SMARCD1: variants seen among roughly 807,000 people sequenced by gnomAD.
The protein encoded by SMARCD1 is SWI/SNF-related matrix-associated actin-dependent regulator of chromatin subfamily D member 1.
Under a neutral mutation model 70.8 loss-of-function variants are expected in SMARCD1, and 16 were observed. That is an observed-to-expected ratio of 0.23 (90% confidence interval 0.15 to 0.34). SMARCD1 has a LOEUF of 0.34. Among genes scored for constraint, SMARCD1 ranks in the 10% least tolerant of loss-of-function variants. The pLI is 1.00. For missense variants in SMARCD1, 409 were observed against 655.5 expected (o/e 0.62, Z 4.11); for synonymous variants, 249 against 246.0 (o/e 1.01, Z -0.11).
At chr12:50,085,706 G>C in intron 1 of SMARCD1, 160 bp downstream of exon 1, 362 of 438,242 alleles carry the variant, frequency 8.3e-4, no homozygotes, top group Non-Finnish European at 1.2e-3. Flanking sequence ...AGAGGGGGAG[G>C]CAGTTACACA....
Position 50,089,925 on chromosome 12 carries a change from G to A in SMARCD1, c.813G>A (p.Gln271=). Reference sequence around the variant, plus strand: ...CTACCCAGGAGACCGATGGCTTTCAGGTGAAGCGGCCGGGAGACGTGAATG... The same window carrying A: ...CTACCCAGGAGACCGATGGCTTTCAAGTGAAGCGGCCGGGAGACGTGAATG... The part of the protein sequence containing the change: ...TATTQETDGF[Q]VKRPGDVNVR... The change falls in exon 7 of 13, where the codon CAG becomes CAA. Residue 271 remains glutamine (Q), a synonymous_variant. Transcript: ENST00000394963. The A allele has an allele frequency of 6.2e-7, 1 of 1,614,190 alleles. No individual in the cohort carries two copies. Among genetic ancestry groups the A allele is most frequent in the Non-Finnish European group, 8.5e-7 (1 of 1,180,040 alleles).
intron 4 of SMARCD1, 69 bp from the exon 5 acceptor site, chr12:50,087,294 G>T: frequency 6.3e-7 from 1 of 1,575,448 alleles, no homozygotes; most frequent in South Asian, 1.2e-5. Context: ...TTTGGGGTTT[G>T]GGGAGACCGT....
intron 2 of SMARCD1, 134 bp downstream of exon 2, chr12:50,086,482 G>A (rs970153801): frequency 1.1e-4 from 101 of 952,450 alleles, no homozygotes; most frequent in Non-Finnish European, 1.5e-4. Flanking sequence ...AGAATGCTTG[G>A]TGGTGGTGGT....
rs1004291419 is a variant in SMARCD1, at chr12:50,098,927, C to G, written c.1495-20C>G. The G allele has an allele frequency of 2.5e-6, 4 of 1,613,660 alleles. No individual in the cohort carries two copies. The African/African-American group carries it at 4.0e-5, about 16-fold the overall frequency. ...TCTGGTTTGTCTCATCTTCCACTCCCTTCACTATTTTCTCCTTAGGTGCAG... is the reference window on the plus strand; with the variant it reads ...TCTGGTTTGTCTCATCTTCCACTCCGTTCACTATTTTCTCCTTAGGTGCAG... On this transcript the variant is annotated intron_variant, in intron 12 of 12. Coordinates refer to ENST00000394963, the MANE Select transcript of SMARCD1 (RefSeq NM_003076.5).
At chr12:50,091,176 G>T (rs1282396884) in intron 9 of SMARCD1, among the ~76,000 whole-genome samples, 4 of 151,110 alleles carry the variant, frequency 2.6e-5, no homozygotes, top group Admixed American at 2.6e-4. Flanking sequence ...TTTGCCTGTT[G>T]TATCCATCTG....
At chr12:50,096,392 G>A (rs1339680340) in intron 10 of SMARCD1, among the ~76,000 whole-genome samples, 2 of 152,140 alleles carry the variant, frequency 1.3e-5, no homozygotes, top group Admixed American at 6.5e-5. Context: ...CTGCAGACTG[G>A]GGACTCATTA....
chr12:50,094,377 CT>C, intron 9 of SMARCD1, 59 bp from the exon 10 acceptor site: 1 of 1,534,928 alleles, frequency 6.5e-7, no homozygotes, highest in Non-Finnish European at 8.8e-7. Flanking sequence ...CTTTTTGACC[CT>C]GTGTAATTAG....
At chr12:50,096,727 G>A in intron 10 of SMARCD1, 123 bp from the exon 11 acceptor site, 5 of 817,632 alleles carry the variant, frequency 6.1e-6, no homozygotes, top group Non-Finnish European at 9.7e-6. Context: ...ATATGATGGT[G>A]CCAGCTGTGG....
chr12:50,088,245 A>G, intron 5 of SMARCD1: 1 of 702,240 alleles, frequency 1.4e-6, no homozygotes, highest in South Asian at 1.5e-5. Flanking sequence ...AGTTATGTGC[A>G]ATGGTTTGCT....
In SMARCD1 at chr12:50,085,345, C is replaced by T. The variant is rs1195327569; in HGVS notation, c.-25C>T. 3.2e-6 allele frequency: 4 copies of T among 1,259,992 alleles called. No individual in the cohort carries two copies. Among genetic ancestry groups the T allele is most frequent in the South Asian group, 7.5e-5 (2 of 26,780 alleles). The allele number at this position is 1,259,992 out of a possible 1,614,324, so 78.1% of individuals were successfully genotyped here. On this transcript the variant is annotated 5_prime_UTR_variant, in exon 1 of 13. Transcript: ENST00000394963. ...GGAGTTCCGGTTCCGGTTCTTTGTG[C>T]GGCTGCATCGGCGGCTCCGGGAAGA...
rs1950794269 is a variant in SMARCD1, at chr12:50,086,633, G to A, written c.378G>A (p.Lys126=). ...VQNRNHNAKK[K]KMADKILPQR... is the part of the protein sequence containing the mutation. ...TTATTCCCAACAGTGCAAAGAAAAA[G>A]AAGATGGCTGACAAAATTCTACCTC... The change falls in exon 3 of 13, where the codon AAG becomes AAA. Residue 126 remains lysine (K), a synonymous_variant. Transcript: ENST00000394963. 1 of 1,614,098 alleles carries A rather than the reference G, an allele frequency of 6.2e-7. No homozygotes were observed. The highest frequency in any genetic ancestry group is 2.2e-5 in the East Asian group (1 of 44,894).
rs767281127 is a variant in SMARCD1 at position 50,088,652 on chromosome 12, C to CT, written c.771+17dup. ...ATCTGGTAGAAGTGAGTAGCTCTGCCTTCTAGGCTTTGACTCTGATTGGAG... is the reference window on the plus strand; with the variant it reads ...ATCTGGTAGAAGTGAGTAGCTCTGCCTTTCTAGGCTTTGACTCTGATTGGAG... On this transcript the variant is annotated intron_variant, in intron 6 of 12. Coordinates refer to ENST00000394963, the MANE Select transcript of SMARCD1 (RefSeq NM_003076.5). 3 of 1,372,042 alleles carry CT rather than the reference C, an allele frequency of 2.2e-6. 1 individual carries two copies. The Admixed American group carries it at 5.5e-5, about 25-fold the overall frequency. The allele number at this position is 1,372,042 out of a possible 1,614,324, so 85.0% of individuals were successfully genotyped here.
rs1038087264 is a variant in SMARCD1 at position 50,087,027 on chromosome 12, T to C, written c.531+149T>C. Reference sequence around the variant, plus strand: ...TCCGCCTACAAACTGAGAATTACATTAGGAGGATAAGAACAGAATGGCAAA... The same window carrying C: ...TCCGCCTACAAACTGAGAATTACATCAGGAGGATAAGAACAGAATGGCAAA... On this transcript the variant is annotated intron_variant, in intron 4 of 12. Coordinates refer to ENST00000394963, the MANE Select transcript of SMARCD1 (RefSeq NM_003076.5). 33 of 815,194 alleles carry C rather than the reference T, an allele frequency of 4.0e-5. No individual in the cohort carries two copies. The African/African-American group carries it at 5.0e-4, about 12-fold the overall frequency. The allele number at this position is 815,194 out of a possible 1,614,324, so 50.5% of individuals were successfully genotyped here.
rs2137883585 is a variant in SMARCD1, at chr12:50,090,312, C to T, written c.945C>T (p.Ile315=). 1 of 1,614,116 alleles carries T rather than the reference C, an allele frequency of 6.2e-7. No homozygotes were observed. The highest frequency in any genetic ancestry group is 8.5e-7 in the Non-Finnish European group (1 of 1,179,968). Residue 315 remains isoleucine (I), a synonymous_variant, in exon 8 of 13, where the codon ATC becomes ATT. Transcript: ENST00000394963. ...LGIHTQTRPV[I]IQALWQYIKT... ...TCCATACCCAGACTCGTCCAGTGAT[C>T]ATCCAAGCACTGTGGCAATATATTA...
chr12:50,090,155 T>G, intron 7 of SMARCD1, 86 bp from the exon 8 acceptor site: 1 of 1,426,616 alleles, frequency 7.0e-7, no homozygotes, highest in Middle Eastern at 2.0e-4. Flanking sequence ...GAAAAAGCAC[T>G]ACATTATTTG....
intron 4 of SMARCD1, 47 bp downstream of exon 4, chr12:50,086,925 G>A (rs756280668): frequency 6.3e-6 from 10 of 1,599,134 alleles, no homozygotes; most frequent in Non-Finnish European, 8.5e-6. Context: ...GAGGACCCAG[G>A]AACCTTCAGC....
chr12:50,087,005 G>A (rs1051817227), intron 4 of SMARCD1, 127 bp downstream of exon 4: 6 of 957,248 alleles, frequency 6.3e-6, no homozygotes, highest in Admixed American at 2.5e-5. Context: ...TCTCCCTTCC[G>A]CCTACAAACT....
Position 50,085,546 on chromosome 12 carries a change from G to T in SMARCD1, c.177G>T (p.Pro59=), listed in dbSNP as rs1422306360. ...YRSPMPGAAY[P]RPGMLPGSRM... is the part of the protein sequence containing the mutation. ...CCCCGATGCCCGGAGCGGCCTATCC[G>T]GTGAGTGGGGCAGGAGGAGGGGCGC... Residue 59 remains proline, a splice_region_variant and synonymous_variant, in exon 1 of 13, where the codon CCG becomes CCT. Coordinates refer to ENST00000394963, the MANE Select transcript of SMARCD1 (RefSeq NM_003076.5). 4.9e-6 allele frequency: 6 copies of T among 1,233,136 alleles called. No homozygotes were observed. Among genetic ancestry groups the T allele is most frequent in the African/African-American group, 4.7e-5 (3 of 64,236 alleles). The allele number at this position is 1,233,136 out of a possible 1,614,324, so 76.4% of individuals were successfully genotyped here. A position where few individuals can be genotyped will look rare whatever the true frequency, so the allele number is the denominator to read the frequency against.
intron 9 of SMARCD1, among the ~76,000 whole-genome samples, chr12:50,091,873 C>T (rs897500307): frequency 5.3e-5 from 8 of 152,164 alleles, no homozygotes; most frequent in African/African-American, 9.7e-5. Flanking sequence ...CCACTGCGCC[C>T]GGCTGAAATC....
Sources: allele counts gnomAD v4.1 joint callset (sites outside exome capture counted in the v4.1 genomes callset), GRCh38; gene constraint gnomAD v4.1.1; transcripts MANE v1.5; gene names NCBI Gene and HGNC (gene_info 2026-07-23, HGNC 2026-07-21).